CELSR1: variants seen among roughly 807,000 people sequenced by gnomAD.
The protein encoded by CELSR1 is adhesion G protein-coupled receptor C1.
In CELSR1, 110 loss-of-function variants were observed where a neutral mutation model predicts 249.1. The ratio of observed to expected loss-of-function variants is 0.44; its 90% CI spans 0.38 to 0.52. The LOEUF is 0.52. Ranked by LOEUF, CELSR1 falls within the 20% of genes least tolerant of loss-of-function variation. CELSR1 has a pLI of 0.00. For missense variants in CELSR1, 4,109 were observed against 4,296.4 expected (o/e 0.96, Z 1.22); for synonymous variants, 2,113 against 1,900.0 (o/e 1.11, Z -2.92).
chr22:46,424,234 ATTTTT>A (rs3056341), intron 5 of CELSR1, among the ~76,000 whole-genome samples: 1 of 148,172 alleles, frequency 6.7e-6, no homozygotes, highest in Non-Finnish European at 1.5e-5. Flanking sequence ...CACCCGGCTA[ATTTTT>A]TTTTTTTTAC....
chr22:46,420,034 ACT>A (rs1386508682), intron 5 of CELSR1, among the ~76,000 whole-genome samples: 1 of 148,478 alleles, frequency 6.7e-6, no homozygotes, highest in Non-Finnish European at 1.5e-5. Context: ...ACTTACCGAC[ACT>A]CACACTCAAA....
intron 1 of CELSR1, among the ~76,000 whole-genome samples, chr22:46,525,606 G>C (rs1026734233): frequency 9.2e-5 from 14 of 152,316 alleles, no homozygotes; most frequent in African/African-American, 3.1e-4. Flanking sequence ...GTGAACTGAA[G>C]AAATCACACC....
intron 1 of CELSR1, among the ~76,000 whole-genome samples, chr22:46,508,288 C>T (rs1212915533): frequency 6.6e-6 from 1 of 150,976 alleles, no homozygotes; most frequent in African/African-American, 2.4e-5. Flanking sequence ...GTCCACACAC[C>T]CAGCAGGTGT....
chr22:46,521,397 C>G lies in CELSR1; in HGVS notation c.3544+12230G>C, dbSNP rs555819504. On this transcript the variant is annotated intron_variant, in intron 1 of 34. Transcript: ENST00000674500. ...GCGGGCACCTGTAGTCCCAGCTACT[C>G]GGGAGGCTGAGGCAGGAGAATGGCA... 1.4e-4 allele frequency among the ~76,000 whole-genome samples: 21 copies of G among 151,742 alleles called. No homozygotes were observed. The East Asian group carries it at 4.1e-3, about 29-fold the overall frequency.
rs2078738649 is a variant in CELSR1, at chr22:46,364,158, TCA to T, written c.8871_8872del (p.Cys2957Ter). The T allele has an allele frequency of 6.2e-7, 1 of 1,612,224 alleles. No homozygotes were observed. Among genetic ancestry groups the T allele is most frequent in the Non-Finnish European group, 8.5e-7 (1 of 1,179,806 alleles). On this transcript the variant is annotated stop_gained and frameshift_variant, in exon 34 of 35. Coordinates refer to ENST00000674500, the MANE Select transcript of CELSR1 (RefSeq NM_001378328.1). LOFTEE classifies it high-confidence loss of function. ...CGTGCGCGAGGATGTGGGGCTCTGC[TCA>T]CAGTCGGCCAGCTTCTCCCGGAGCC... is the stretch of plus-strand genomic sequence containing the variant.
Position 46,533,915 on chromosome 22 carries a change from T to A in CELSR1, c.3256A>T (p.Thr1086Ser), listed in dbSNP as rs778001796. ...ATSAPLVSRA[T>S]VHILLVDQND... The stretch of plus-strand genomic sequence containing the variant: ...TGGTCCACGAGAAGGATGTGCACCG[T>A]GGCTCGGCTCACCAGCGGAGCCGAC... Residue 1086 changes from threonine to serine, a missense_variant, in exon 1 of 35, where the codon ACG (threonine) becomes TCG (serine). By Grantham distance (58) the Thr-to-Ser change is moderately conservative. Around this residue, in one of 7 missense-constraint regions of CELSR1, gnomAD observed 886 missense variants for 896.5 expected, o/e 0.99. Coordinates refer to ENST00000674500, the MANE Select transcript of CELSR1 (RefSeq NM_001378328.1). 6.2e-7 allele frequency: 1 copy of A among 1,613,094 alleles called. No individual in the cohort carries two copies. Among genetic ancestry groups the A allele is most frequent in the Non-Finnish European group, 8.5e-7 (1 of 1,180,022 alleles).
Position 46,410,771 on chromosome 22 carries a change from G to T in CELSR1, c.4770-210C>A, listed in dbSNP as rs911732962. On this transcript the variant is annotated intron_variant, in intron 6 of 34. Coordinates refer to ENST00000674500, the MANE Select transcript of CELSR1 (RefSeq NM_001378328.1). The surrounding 1 kb of genome is among the most constrained non-coding windows in gnomAD (Gnocchi z 6.8). ...GCTCACACTTGTGTTCAGTCCTGAC[G>T]ATCTGGGTGTTTCACGCTCACCAGT... Among the ~76,000 whole-genome samples the T allele has an allele frequency of 3.3e-5, 5 of 151,906 alleles. No homozygotes were observed. The South Asian group carries it at 8.4e-4, about 25-fold the overall frequency.
Position 46,406,996 on chromosome 22 carries a change from G to A in CELSR1, c.5226+2000C>T, listed in dbSNP as rs970917459. Among the ~76,000 whole-genome samples the A allele has an allele frequency of 6.6e-5, 10 of 152,204 alleles. No individual in the cohort carries two copies. The highest frequency in any genetic ancestry group is 2.2e-4 in the African/African-American group (9 of 41,448). ...CCGCTTTGGGAGGGACTTCCTGACC[G>A]CAGGAGCGGGGAGGGGGGGTCATCC... On this transcript the variant is annotated intron_variant, in intron 9 of 34. Transcript: ENST00000674500. This position sits in a 1 kb window ranked among gnomAD's most constrained non-coding sequence, Gnocchi z 5.4.
rs1438846443 is a variant in CELSR1, at chr22:46,536,762, CG to C, written c.408del (p.Gly137AlafsTer107). On this transcript the variant is annotated frameshift_variant, in exon 1 of 35. Transcript: ENST00000674500. LOFTEE classifies it high-confidence loss of function. Reference sequence around the variant, plus strand: ...GAATGCTGCGCGGCCGCGCAGCCGCCGGGGACGGGGAAGCAGAGCGCCCCGC... The same window carrying C: ...GAATGCTGCGCGGCCGCGCAGCCGCCGGGACGGGGAAGCAGAGCGCCCCGC... ...RLCGALCFPV[P>X]GGCAAAQHSA... 2 of 1,183,408 alleles carry C rather than the reference CG, an allele frequency of 1.7e-6. No homozygotes were observed. Among genetic ancestry groups the C allele is most frequent in the South Asian group, 3.7e-5 (1 of 26,994 alleles). The allele number at this position is 1,183,408 out of a possible 1,614,324, so 73.3% of individuals were successfully genotyped here.
intron 19 of CELSR1, among the ~76,000 whole-genome samples, chr22:46,385,577 C>T (rs994832406): frequency 2.0e-5 from 3 of 152,194 alleles, no homozygotes; most frequent in South Asian, 2.1e-4. Flanking sequence ...CTCCCTAGCC[C>T]GGGACCTGTC....
chr22:46,389,929 G>A (rs781773763), intron 17 of CELSR1, among the ~76,000 whole-genome samples: 11 of 152,196 alleles, frequency 7.2e-5, no homozygotes, highest in Non-Finnish European at 1.5e-4. Flanking sequence ...TCTAGCTTAG[G>A]AGATAGAGTG....
intron 1 of CELSR1, among the ~76,000 whole-genome samples, chr22:46,520,082 C>G (rs1429765055): frequency 6.6e-6 from 1 of 151,894 alleles, no homozygotes; most frequent in Non-Finnish European, 1.5e-5. Context: ...CCAGGTTGGC[C>G]AGGCTGGTCT....
In CELSR1 at chr22:46,411,262, T is replaced by TTC. The variant is rs1427988258; in HGVS notation, c.4769+338_4769+339dup. 1.3e-5 allele frequency among the ~76,000 whole-genome samples: 2 copies of TTC among 152,102 alleles called. No homozygotes were observed. Among genetic ancestry groups the TTC allele is most frequent in the Non-Finnish European group, 2.9e-5 (2 of 68,024 alleles). Reference sequence around the variant, plus strand: ...TGGGACCAGCTGGCTGACACAGTGCTTCACTTAACAGAGTCCTGGAGTCCC... The same window carrying TTC: ...TGGGACCAGCTGGCTGACACAGTGCTTCTCACTTAACAGAGTCCTGGAGTCCC... On this transcript the variant is annotated intron_variant, in intron 6 of 34. Coordinates refer to ENST00000674500, the MANE Select transcript of CELSR1 (RefSeq NM_001378328.1). This position sits in a 1 kb window ranked among gnomAD's most constrained non-coding sequence, Gnocchi z 4.2.
chr22:46,515,848 G>A (rs5768870), intron 1 of CELSR1, among the ~76,000 whole-genome samples: 46,461 of 152,138 alleles, frequency 0.31, 8,527 homozygotes, highest in East Asian at 0.64. Flanking sequence ...CAGCACAGTC[G>A]ACTGGGGTTA....
intron 1 of CELSR1, among the ~76,000 whole-genome samples, chr22:46,520,691 A>G (rs1362685637): frequency 2.6e-5 from 4 of 152,028 alleles, no homozygotes; most frequent in Admixed American, 1.3e-4. Context: ...CGAGCTCCTG[A>G]CCTCATGTGA....
At chr22:46,495,826 T>TA (rs202033049) in intron 1 of CELSR1, among the ~76,000 whole-genome samples, 3,270 of 152,064 alleles carry the variant, frequency 0.022, 114 homozygotes, top group African/African-American at 0.075. Context: ...AAAAAATATA[T>TA]TTTTTTTTCT....
rs2079283902 is a variant in CELSR1, at chr22:46,407,846, G to A, written c.5226+1150C>T. ...CAGTGAGTTTTCAGAGCTAGACCCT[G>A]ATCAGAAAGGGTCACAGCAGCTGGG... On this transcript the variant is annotated intron_variant, in intron 9 of 34. Coordinates refer to ENST00000674500, the MANE Select transcript of CELSR1 (RefSeq NM_001378328.1). The surrounding 1 kb of genome is among the most constrained non-coding windows in gnomAD (Gnocchi z 4.8). Among the ~76,000 whole-genome samples the A allele has an allele frequency of 6.6e-6, 1 of 152,190 alleles. No individual in the cohort carries two copies. Among genetic ancestry groups the A allele is most frequent in the Non-Finnish European group, 1.5e-5 (1 of 68,022 alleles).
chr22:46,451,892 G>C (rs1396839099), intron 2 of CELSR1, among the ~76,000 whole-genome samples: 1 of 152,206 alleles, frequency 6.6e-6, no homozygotes, highest in Non-Finnish European at 1.5e-5. Context: ...ATCACAACAT[G>C]AATTATCGTA....
rs935034952 is a variant in CELSR1 at position 46,453,238 on chromosome 22, A to C, written c.4183+10469T>G. 1.2e-4 allele frequency among the ~76,000 whole-genome samples: 18 copies of C among 152,310 alleles called. No individual in the cohort carries two copies. The East Asian group carries it at 3.1e-3, about 26-fold the overall frequency. On this transcript the variant is annotated intron_variant, in intron 2 of 34. Coordinates refer to ENST00000674500, the MANE Select transcript of CELSR1 (RefSeq NM_001378328.1). Reference sequence around the variant, plus strand: ...CGTGCCCGGTGCGTTCGTTATCAGCATGCAGGGAAACCGTGCCAACTACGA... The same window carrying C: ...CGTGCCCGGTGCGTTCGTTATCAGCCTGCAGGGAAACCGTGCCAACTACGA...
Sources: gnomAD v4.1 joint callset for allele counts (sites outside exome capture counted in the v4.1 genomes callset) on GRCh38, gnomAD v4.1.1 for gene constraint, gnomAD v4.1.1 regional missense constraint, Gnocchi (gnomAD v3.1) non-coding constraint, MANE v1.5 for transcripts, NCBI Gene and HGNC (gene_info 2026-07-23, HGNC 2026-07-21) for gene names.